Variants in CDH12 observed in about 807,000 individuals in gnomAD.
The protein encoded by CDH12 is cadherin 12.
Under a neutral mutation model 74.1 loss-of-function variants are expected in CDH12, and 41 were observed. The observed-to-expected ratio is 0.55, with a 90% CI of 0.43 to 0.72. CDH12 has a LOEUF of 0.72. Among genes scored for constraint, CDH12 ranks in the 30% least tolerant of loss-of-function variants. The probability of loss-of-function intolerance (pLI) is 0.00; values close to 1 mark genes in which losing one functional copy is unlikely to be tolerated. For synonymous variants in CDH12, 399 were observed against 355.0 expected (o/e 1.12, Z -1.39); for missense variants, 945 against 977.2 (o/e 0.97, Z 0.44).
chr5:22,283,211 TATATAG>T (rs1252236837), intron 3 of CDH12, among the ~76,000 whole-genome samples: 3,000 of 87,034 alleles, frequency 0.034, 30 homozygotes, highest in Middle Eastern at 0.052. Flanking sequence ...GTGAGATATA[TATATAG>T]ATATATATAT....
At chr5:22,407,823 T>C (rs1239170063) in intron 2 of CDH12, among the ~76,000 whole-genome samples, 1 of 152,160 alleles carries the variant, frequency 6.6e-6, no homozygotes, top group Non-Finnish European at 1.5e-5. Flanking sequence ...CTTTCTTCGG[T>C]AAACCTTCAT....
chr5:22,660,278 C>A (rs1484381201), intron 1 of CDH12, among the ~76,000 whole-genome samples: 2 of 152,168 alleles, frequency 1.3e-5, no homozygotes, highest in African/African-American at 4.8e-5. Flanking sequence ...GTTACTCTAA[C>A]TACAACTTGG....
chr5:22,136,474 C>T (rs1198476002), intron 4 of CDH12, among the ~76,000 whole-genome samples: 4 of 151,750 alleles, frequency 2.6e-5, no homozygotes, highest in Non-Finnish European at 5.9e-5. Flanking sequence ...CAAATCATGC[C>T]ATCTCACAAT....
At chr5:22,808,690 C>G (rs564813757) in intron 1 of CDH12, among the ~76,000 whole-genome samples, 2 of 130,212 alleles carry the variant, frequency 1.5e-5, no homozygotes, top group African/African-American at 2.9e-5. Flanking sequence ...ACTGCAACTT[C>G]TGCTCCCGGG....
chr5:22,384,419 G>T (rs1481435264), intron 3 of CDH12, among the ~76,000 whole-genome samples: 1 of 149,432 alleles, frequency 6.7e-6, no homozygotes, highest in East Asian at 2.0e-4. Flanking sequence ...CCAGCTACTC[G>T]GGAGGCTGAG....
chr5:21,758,938 T>C (rs1744557846), intron 13 of CDH12, among the ~76,000 whole-genome samples: 1 of 152,012 alleles, frequency 6.6e-6, no homozygotes, highest in Admixed American at 6.6e-5. Flanking sequence ...AACACAAAGA[T>C]GGCAACAACT....
At chr5:22,438,478 A>C (rs1744495987) in intron 2 of CDH12, among the ~76,000 whole-genome samples, 1 of 152,090 alleles carries the variant, frequency 6.6e-6, no homozygotes, top group Non-Finnish European at 1.5e-5. Flanking sequence ...TTTAAACAAG[A>C]GTTCAAATCT....
At chr5:22,076,833 A>C (rs1430853469) in intron 5 of CDH12, among the ~76,000 whole-genome samples, 1 of 152,018 alleles carries the variant, frequency 6.6e-6, no homozygotes, top group African/African-American at 2.4e-5. Flanking sequence ...GTGATCTGAG[A>C]AGGTCATTCT....
intron 1 of CDH12, among the ~76,000 whole-genome samples, chr5:22,604,017 T>C (rs1736978679): frequency 2.0e-5 from 3 of 152,166 alleles, no homozygotes; most frequent in African/African-American, 7.2e-5. Flanking sequence ...GGAATCTAGT[T>C]CACAGGTGGA....
At chr5:22,682,666 A>C (rs1297673335) in intron 1 of CDH12, among the ~76,000 whole-genome samples, 1 of 151,896 alleles carries the variant, frequency 6.6e-6, no homozygotes, top group African/African-American at 2.4e-5. Flanking sequence ...CTAAAACCCT[A>C]ATTTTTCTAT....
At chr5:22,157,737 C>T (rs1748111156) in intron 4 of CDH12, among the ~76,000 whole-genome samples, 1 of 151,644 alleles carries the variant, frequency 6.6e-6, no homozygotes, top group African/African-American at 2.4e-5. Context: ...AAATAAAAAC[C>T]AAGGAGGCAA....
chr5:22,749,008 G>A (rs947024034), intron 1 of CDH12, among the ~76,000 whole-genome samples: 1 of 152,144 alleles, frequency 6.6e-6, no homozygotes, highest in African/African-American at 2.4e-5. Flanking sequence ...TCATTGATGT[G>A]GGAAGGTGAG....
At position 21,782,198 on chromosome 5, in the gene CDH12, C is replaced by A. The variant is rs1042078760; in HGVS notation, c.1393+1160G>T. 3.9e-5 allele frequency among the ~76,000 whole-genome samples: 6 copies of A among 152,158 alleles called. 1 individual carries two copies. In the South Asian group the frequency reaches 1.0e-3, roughly 26 times the overall value. On this transcript the variant is annotated intron_variant, in intron 11 of 14. Coordinates refer to ENST00000382254, the MANE Select transcript of CDH12 (RefSeq NM_004061.5). Reference sequence around the variant, plus strand: ...TGTCAACCTGAGCACCGCAACGTGGCCTCTCTAGTATGGCAGCCTCTGGGT... The same window carrying A: ...TGTCAACCTGAGCACCGCAACGTGGACTCTCTAGTATGGCAGCCTCTGGGT...
At chr5:22,695,678 G>A (rs1467300992) in intron 1 of CDH12, among the ~76,000 whole-genome samples, 2 of 151,958 alleles carry the variant, frequency 1.3e-5, no homozygotes, top group East Asian at 3.9e-4. Context: ...ATAAAACATA[G>A]CAATTTTTTT....
intron 2 of CDH12, among the ~76,000 whole-genome samples, chr5:22,411,961 G>A (rs7711032): frequency 0.27 from 41,329 of 151,698 alleles, 5,696 homozygotes; most frequent in East Asian, 0.34. Flanking sequence ...GGCATTCCTC[G>A]TATTCAGTTT....
chr5:22,667,091 A>C (rs1047469913), intron 1 of CDH12, among the ~76,000 whole-genome samples: 1 of 152,224 alleles, frequency 6.6e-6, no homozygotes, highest in Non-Finnish European at 1.5e-5. Flanking sequence ...AGAGGTACTT[A>C]AGAATTAAGT....
intron 4 of CDH12, among the ~76,000 whole-genome samples, chr5:22,111,770 A>G (rs970487348): frequency 6.6e-6 from 1 of 152,192 alleles, no homozygotes; most frequent in Non-Finnish European, 1.5e-5. Context: ...CTTTACATCT[A>G]CCTATCATAA....
intron 4 of CDH12, among the ~76,000 whole-genome samples, chr5:22,158,466 A>C (rs922121712): frequency 1.3e-5 from 2 of 152,066 alleles, no homozygotes; most frequent in African/African-American, 4.8e-5. Flanking sequence ...TTGGTACAAC[A>C]CAGTTCCATT....
chr5:22,567,079 C>T (rs1353676849), intron 1 of CDH12, among the ~76,000 whole-genome samples: 2 of 152,146 alleles, frequency 1.3e-5, no homozygotes, highest in African/African-American at 4.8e-5. Flanking sequence ...TATGCCTTAA[C>T]TATTCTTATA....
Sources: allele counts gnomAD v4.1 joint callset (sites outside exome capture counted in the v4.1 genomes callset), GRCh38; gene constraint gnomAD v4.1.1; transcripts MANE v1.5; gene names NCBI Gene and HGNC (gene_info 2026-07-23, HGNC 2026-07-21).